The following CEP97 variants were observed in gnomAD, a reference collection of about 807,000 sequenced individuals.
The protein encoded by CEP97 is centrosomal protein of 97 kDa.
Under a neutral mutation model 73.1 loss-of-function variants are expected in CEP97, and 43 were observed. The ratio of observed to expected loss-of-function variants is 0.59; its 90% confidence interval spans 0.46 to 0.76. The LOEUF (loss-of-function observed/expected upper bound fraction) is 0.76. CEP97 is among the 30% of genes least tolerant of loss of function. The probability of loss-of-function intolerance (pLI) is 0.00; values close to 1 mark genes in which losing one functional copy is unlikely to be tolerated. For synonymous variants in CEP97, 337 were observed against 370.0 expected (o/e 0.91, Z 1.02); for missense variants, 939 against 1,014.0 (o/e 0.93, Z 1.00).
In CEP97 at chr3:101,726,528, C is replaced by G. The variant is rs1937893244; in HGVS notation, c.44-66C>G. 1.3e-5 allele frequency: 16 copies of G among 1,212,168 alleles called. No individual in the cohort carries two copies. The South Asian group carries it at 2.6e-4, about 20-fold the overall frequency. The allele number at this position is 1,212,168 out of a possible 1,614,324, so 75.1% of individuals were successfully genotyped here. ...GTATAGAGATTTTATAATTCCAGCC[C>G]TATGCTTAGCTGTTGTACATGTTTT... On this transcript the variant is annotated intron_variant, in intron 1 of 10. Transcript: ENST00000341893.
At position 101,758,258 on chromosome 3, in the gene CEP97, A is replaced by T. The variant is rs749659600; in HGVS notation, c.1652A>T (p.Asp551Val). 4 of 1,614,232 alleles carry T rather than the reference A, an allele frequency of 2.5e-6. No homozygotes were observed. Among genetic ancestry groups the T allele is most frequent in the Non-Finnish European group, 3.4e-6 (4 of 1,180,036 alleles). ...LTQRSVALGQ[D>V]KVALQKLNDA... The stretch of plus-strand genomic sequence containing the variant: ...CAGAGATCTGTTGCTTTGGGACAAG[A>T]CAAAGTTGCCCTTCAGAAATTAAAT... The change falls in exon 9 of 11, where the codon GAC (aspartate) becomes GTC (valine). Residue 551 changes from aspartate to valine, a missense_variant. Transcript: ENST00000341893.
chr3:101,736,040 A>G (rs1938265998), intron 6 of CEP97, among the ~76,000 whole-genome samples: 1 of 152,140 alleles, frequency 6.6e-6, no homozygotes, highest in Admixed American at 6.5e-5. Flanking sequence ...CGAGGTGCGA[A>G]TAGGTGGTTT....
Position 101,731,892 on chromosome 3 carries a change from A to G in CEP97, c.500A>G (p.Tyr167Cys), listed in dbSNP as rs764356930. ...IITSLRMAPA[Y>C]LPRSLAILSL... is the part of the protein sequence containing the mutation. ...ACCTCTCTTAGAATGGCACCTGCTT[A>G]CCTACCCAGAAGTCTTGCTATACTT... The change falls in exon 5 of 11, where the codon TAC (tyrosine) becomes TGC (cysteine). Residue 167 changes from tyrosine (Y) to cysteine (C), a missense_variant. Transcript: ENST00000341893. 1.2e-6 allele frequency: 2 copies of G among 1,612,738 alleles called. No individual in the cohort carries two copies. Among genetic ancestry groups the G allele is most frequent in the East Asian group, 4.5e-5 (2 of 44,862 alleles).
At chr3:101,752,923 T>G (rs991929106) in intron 6 of CEP97, among the ~76,000 whole-genome samples, 2 of 152,226 alleles carry the variant, frequency 1.3e-5, no homozygotes, top group African/African-American at 4.8e-5. Flanking sequence ...CCAGCTTTGT[T>G]CCGTTGCTGG....
intron 6 of CEP97, among the ~76,000 whole-genome samples, chr3:101,735,374 G>A (rs1295908857): frequency 6.6e-6 from 1 of 152,198 alleles, no homozygotes; most frequent in East Asian, 1.9e-4. Context: ...GGGTTGTCCT[G>A]CACTAAAGAA....
At chr3:101,734,034 T>C (rs926924235) in intron 6 of CEP97, among the ~76,000 whole-genome samples, 11 of 150,302 alleles carry the variant, frequency 7.3e-5, no homozygotes, top group Non-Finnish European at 1.6e-4. Context: ...CCATGTTGTT[T>C]AGGCTGGTCT....
At position 101,767,265 on chromosome 3, in the gene CEP97, T is replaced by G. The variant is rs959828982; in HGVS notation, c.*1714T>G. The G allele has an allele frequency of 6.6e-6, 1 of 152,252 alleles. No homozygotes were observed. The highest frequency in any genetic ancestry group is 6.5e-5 in the Admixed American group (1 of 15,288). The allele number at this position is 152,252 out of a possible 1,614,324, so 9.4% of individuals were successfully genotyped here. On this transcript the variant is annotated 3_prime_UTR_variant, in exon 11 of 11. Transcript: ENST00000341893. Reference sequence around the variant, plus strand: ...TATAAATAAAAGAGTAATCTTACTTTCAGAAGGATTTTCCTTAGTGAAACA... The same window carrying G: ...TATAAATAAAAGAGTAATCTTACTTGCAGAAGGATTTTCCTTAGTGAAACA...
intron 4 of CEP97, among the ~76,000 whole-genome samples, chr3:101,729,218 GC>G (rs1380073733): frequency 6.6e-6 from 1 of 152,012 alleles, no homozygotes; most frequent in East Asian, 1.9e-4. Flanking sequence ...AGTGGTGCGA[GC>G]CTGTAGTCCC....
In CEP97 at chr3:101,765,246, A is replaced by G; in HGVS notation, c.2293A>G (p.Asn765Asp). The G allele has an allele frequency of 1.2e-6, 2 of 1,614,208 alleles. No homozygotes were observed. Among genetic ancestry groups the G allele is most frequent in the South Asian group, 1.1e-5 (1 of 91,090 alleles). The change falls in exon 11 of 11, where the codon AAC becomes GAC. Residue 765 changes from asparagine to aspartate, a missense_variant. Coordinates refer to ENST00000341893, the MANE Select transcript of CEP97 (RefSeq NM_024548.4). ...HGEWNKESSN[N>D]EQDNSLLEQY... ...TGAATGGAATAAGGAAAGCTCAAAT[A>G]ACGAGCAGGACAATAGTCTGCTTGA...
At chr3:101,752,661 TACCCTTTCTTCCAG>T (rs1311909981) in intron 6 of CEP97, among the ~76,000 whole-genome samples, 3 of 152,224 alleles carry the variant, frequency 2.0e-5, no homozygotes, top group Non-Finnish European at 2.9e-5. Context: ...CCATCACTGA[TACCCTTTCTTCCAG>T]TTGATCGCAT....
At position 101,765,479 on chromosome 3, in the gene CEP97, T is replaced by C. The variant is rs759259330; in HGVS notation, c.2526T>C (p.Asn842=). 5 of 1,614,178 alleles carry C rather than the reference T, an allele frequency of 3.1e-6. No homozygotes were observed. In the Admixed American group the frequency reaches 8.3e-5, roughly 27 times the overall value. Residue 842 remains asparagine (N), a synonymous_variant, in exon 11 of 11, where the codon AAT becomes AAC. Transcript: ENST00000341893. ...ISQTQENSKL[N]AEVQGQQPEC... ...AGACACAAGAGAATTCTAAATTAAATGCAGAAGTTCAGGGGCAGCAGCCAG... is the reference window on the plus strand; with the variant it reads ...AGACACAAGAGAATTCTAAATTAAACGCAGAAGTTCAGGGGCAGCAGCCAG...
In CEP97 at chr3:101,727,526, A is replaced by C; in HGVS notation, c.330A>C (p.Ala110=). 6.2e-7 allele frequency: 1 copy of C among 1,610,662 alleles called. No individual in the cohort carries two copies. Among genetic ancestry groups the C allele is most frequent in the East Asian group, 2.2e-5 (1 of 44,810 alleles). Residue 110 remains alanine, a synonymous_variant, in exon 3 of 11, where the codon GCA becomes GCC. Coordinates refer to ENST00000341893, the MANE Select transcript of CEP97 (RefSeq NM_024548.4). ...ELVHLEWLNL[A]GNNLKAMEQI... ...TACATCTGGAATGGCTGAATTTGGC[A>C]GGAAATAATCTTAAGGTGAATGGTT...
intron 6 of CEP97, among the ~76,000 whole-genome samples, chr3:101,754,243 G>T (rs2466364): frequency 9.3e-4 from 141 of 151,842 alleles, no homozygotes; most frequent in African/African-American, 3.0e-3. Context: ...ATTTTGAAGC[G>T]GATCTCAGAT....
chr3:101,737,368 A>G (rs1292839933), intron 6 of CEP97, among the ~76,000 whole-genome samples: 1 of 152,206 alleles, frequency 6.6e-6, no homozygotes, highest in Non-Finnish European at 1.5e-5. Flanking sequence ...CCTCGAGAAG[A>G]GCAACCCCAA....
intron 3 of CEP97, 74 bp downstream of exon 3, chr3:101,727,615 T>C (rs1937940126): frequency 7.1e-7 from 1 of 1,410,832 alleles, no homozygotes; most frequent in African/African-American, 1.4e-5. Context: ...ATAAGTCAAA[T>C]TAAAAAGTGA....
At chr3:101,752,651 C>G (rs1172057456) in intron 6 of CEP97, among the ~76,000 whole-genome samples, 1 of 152,166 alleles carries the variant, frequency 6.6e-6, no homozygotes, top group African/African-American at 2.4e-5. Flanking sequence ...ATTTCATCTT[C>G]CATCACTGAT....
chr3:101,763,173 C>CT, intron 10 of CEP97: 1 of 1,270,496 alleles, frequency 7.9e-7, no homozygotes, highest in Non-Finnish European at 1.0e-6. Context: ...GTCTTCCCTC[C>CT]TCAGCCTCCC....
chr3:101,744,718 A>T (rs1311995908), intron 6 of CEP97, among the ~76,000 whole-genome samples: 1 of 152,168 alleles, frequency 6.6e-6, no homozygotes. Context: ...CTCTGGAAGT[A>T]TTGTGTTCAG....
intron 9 of CEP97, among the ~76,000 whole-genome samples, chr3:101,759,983 T>C (rs535086869): frequency 1.6e-3 from 185 of 116,496 alleles, no homozygotes; most frequent in African/African-American, 5.6e-3. Context: ...CATGTGTTGA[T>C]GGAATGAATA....
Sources: allele counts gnomAD v4.1 joint callset (sites outside exome capture counted in the v4.1 genomes callset), GRCh38; gene constraint gnomAD v4.1.1; transcripts MANE v1.5; gene names NCBI Gene and HGNC (gene_info 2026-07-23, HGNC 2026-07-21).